SPRY3: variants seen among roughly 807,000 people sequenced by gnomAD.
The protein encoded by SPRY3 is sprouty RTK signaling antagonist 3, also known as protein sprouty homolog 3.
Under a neutral mutation model 20.2 loss-of-function variants are expected in SPRY3, and 15 were observed. The ratio of observed to expected loss-of-function variants is 0.74; its 90% CI spans 0.50 to 1.14. The LOEUF (loss-of-function observed/expected upper bound fraction) is 1.14, where lower values mean the gene tolerates loss of function less well. SPRY3 is among the 50% of genes most tolerant of loss of function. The pLI is 0.00. For missense variants in SPRY3, 364 were observed against 363.9 expected (o/e 1.00, Z 0.00); for synonymous variants, 143 against 136.5 (o/e 1.05, Z -0.33).
chrX:155,695,018 T>G (rs2124577425), intron 2 of SPRY3, among the ~76,000 whole-genome samples: 1 of 111,813 alleles, frequency 8.9e-6, no homozygotes, highest in African/African-American at 3.2e-5. Context: ...ATATTAAAAC[T>G]ATATGTATTA....
At chrX:155,781,081 G>A (rs2091460451), downstream of SPRY3, 1 of 166,550 alleles carries the variant, frequency 6.0e-6, no homozygotes, top group African/African-American at 2.4e-5. Context: ...GAGAAAGGGA[G>A]ACAGCAGAAG....
chrX:155,739,067 G>A (rs1261630258), intron 2 of SPRY3, among the ~76,000 whole-genome samples: 1 of 152,174 alleles, frequency 6.6e-6, no homozygotes, highest in Non-Finnish European at 1.5e-5. Context: ...GGGGGGAGGG[G>A]CAGATGCCAT....
chrX:155,686,215 A>G (rs2068087415), intron 2 of SPRY3, among the ~76,000 whole-genome samples: 1 of 111,162 alleles, frequency 9.0e-6, no homozygotes. Flanking sequence ...GATAATTTTC[A>G]TAATACTTTC....
chrX:155,741,565 G>C (rs767782700), intron 2 of SPRY3, among the ~76,000 whole-genome samples: 42 of 152,010 alleles, frequency 2.8e-4, no homozygotes, highest in African/African-American at 9.2e-4. Context: ...GATTCTCCAA[G>C]GTCAAAATGA....
At chrX:155,635,581 G>A (rs1341426693) in intron 1 of SPRY3, among the ~76,000 whole-genome samples, 1 of 111,759 alleles carries the variant, frequency 8.9e-6, no homozygotes, top group Non-Finnish European at 1.9e-5. Context: ...CCCCAAAGAA[G>A]ACATTTATGC....
chrX:155,623,021 A>G (rs1603111580), intron 1 of SPRY3, among the ~76,000 whole-genome samples: 1 of 111,904 alleles, frequency 8.9e-6, no homozygotes, highest in South Asian at 3.7e-4. Context: ...GCTAGGCCAA[A>G]CAGAATCCTA....
At chrX:155,748,776 C>T (rs1278486062) in intron 2 of SPRY3, among the ~76,000 whole-genome samples, 4 of 151,766 alleles carry the variant, frequency 2.6e-5, no homozygotes, top group East Asian at 1.9e-4. Context: ...TCTCTTTCCA[C>T]GTACAATAAA....
intron 2 of SPRY3, among the ~76,000 whole-genome samples, chrX:155,670,463 A>T (rs2068036892): frequency 8.9e-6 from 1 of 111,952 alleles, no homozygotes; most frequent in Admixed American, 9.5e-5. Context: ...AAATTAGGGC[A>T]GTGGAGAAAT....
chrX:155,761,864 G>T (rs1000270220), intron 2 of SPRY3, among the ~76,000 whole-genome samples: 2 of 151,428 alleles, frequency 1.3e-5, no homozygotes, highest in Non-Finnish European at 2.9e-5. Flanking sequence ...TTATCCTTTT[G>T]CTCTCTAACT....
exon 4 of SPRY3, chrX:155,774,244 G>C (rs377723759): frequency 3.1e-6 from 5 of 1,614,000 alleles, no homozygotes; most frequent in Non-Finnish European, 4.2e-6. Flanking sequence ...CCACCCAAAG[G>C]CTGATGGTGC....
At chrX:155,664,554 A>G (rs1414487264) in intron 2 of SPRY3, among the ~76,000 whole-genome samples, 1 of 110,202 alleles carries the variant, frequency 9.1e-6, no homozygotes, top group Non-Finnish European at 1.9e-5. Context: ...TTACAAATAT[A>G]CAAGAATAAA....
intron 1 of SPRY3, among the ~76,000 whole-genome samples, chrX:155,646,595 T>C (rs1557351892): frequency 9.0e-6 from 1 of 111,612 alleles, no homozygotes; most frequent in African/African-American, 3.2e-5. Context: ...TTTGGATGGT[T>C]TGTTCTTAGT....
At chrX:155,679,269 A>G (rs2068066653) in intron 2 of SPRY3, among the ~76,000 whole-genome samples, 1 of 111,972 alleles carries the variant, frequency 8.9e-6, no homozygotes, top group Non-Finnish European at 1.9e-5. Context: ...AAGACTGTCA[A>G]TCTATTCATG....
At chrX:155,625,293 C>G (rs927172127) in intron 1 of SPRY3, among the ~76,000 whole-genome samples, 2 of 111,193 alleles carry the variant, frequency 1.8e-5, no homozygotes, top group Admixed American at 1.9e-4. Context: ...TTCAACTATT[C>G]AATTAATGGC....
intron 1 of SPRY3, among the ~76,000 whole-genome samples, chrX:155,627,879 G>T (rs2067893433): frequency 9.3e-6 from 1 of 107,255 alleles, no homozygotes; most frequent in African/African-American, 3.4e-5. Flanking sequence ...TCATTGTTCA[G>T]CTCCCACCGT....
chrX:155,717,510 A>G (rs1450277131), intron 2 of SPRY3, among the ~76,000 whole-genome samples: 3 of 152,030 alleles, frequency 2.0e-5, no homozygotes, highest in Non-Finnish European at 4.4e-5. Flanking sequence ...TCTAGGTTTT[A>G]AGCCCCACAT....
At chrX:155,756,707 A>T (rs1280479769) in intron 2 of SPRY3, among the ~76,000 whole-genome samples, 2 of 152,138 alleles carry the variant, frequency 1.3e-5, no homozygotes, top group African/African-American at 4.8e-5. Flanking sequence ...TTCCAACAGG[A>T]ATAAATATAA....
chrX:155,698,628 G>A (rs1569562678), intron 2 of SPRY3, among the ~76,000 whole-genome samples: 2 of 111,904 alleles, frequency 1.8e-5, no homozygotes, highest in Non-Finnish European at 3.8e-5. Flanking sequence ...CAAGATGGTT[G>A]AGAATGTGAG....
chrX:155,755,913 A>T (rs1385397197), intron 2 of SPRY3, among the ~76,000 whole-genome samples: 1 of 152,076 alleles, frequency 6.6e-6, no homozygotes, highest in Admixed American at 6.6e-5. Context: ...GAAACCAAAG[A>T]GGCCAGGGAG....
Sources: gnomAD v4.1 joint callset for allele counts (sites outside exome capture counted in the v4.1 genomes callset) on GRCh38, gnomAD v4.1.1 for gene constraint, MANE v1.5 for transcripts, NCBI Gene and HGNC (gene_info 2026-07-23, HGNC 2026-07-21) for gene names.